TRAPPC9: variants seen among roughly 807,000 people sequenced by gnomAD.
TRAPPC9 encodes the protein IKK2 binding protein.
A neutral mutation model predicts 124.0 loss-of-function variants in TRAPPC9; 83 were observed. That is an observed-to-expected ratio of 0.67 (90% confidence interval 0.56 to 0.80). The LOEUF (loss-of-function observed/expected upper bound fraction) is 0.80, where lower values mean the gene tolerates loss of function less well. TRAPPC9 is among the 30% of genes least tolerant of loss of function. The pLI is 0.00. For missense variants in TRAPPC9, 1,302 were observed against 1,508.3 expected (o/e 0.86, Z 2.27); for synonymous variants, 638 against 617.5 (o/e 1.03, Z -0.49).
intron 17 of TRAPPC9, among the ~76,000 whole-genome samples, chr8:140,167,379 C>T (rs997187169): frequency 6.6e-6 from 1 of 152,092 alleles, no homozygotes; most frequent in Admixed American, 6.5e-5. Flanking sequence ...GGAAAAAACA[C>T]CTCTGCACAC....
chr8:139,890,638 G>A (rs1457975309), intron 20 of TRAPPC9, among the ~76,000 whole-genome samples: 1 of 152,130 alleles, frequency 6.6e-6, no homozygotes, highest in African/African-American at 2.4e-5. Context: ...GAAGGCGAAG[G>A]CTTGTCTCCC....
At chr8:139,739,538 C>A (rs1818421306) in intron 21 of TRAPPC9, among the ~76,000 whole-genome samples, 1 of 152,256 alleles carries the variant, frequency 6.6e-6, no homozygotes, top group Non-Finnish European at 1.5e-5. Flanking sequence ...CCCTGGCCAT[C>A]CTGTCCCTCC....
chr8:139,880,453 A>G (rs1829610263), intron 21 of TRAPPC9, among the ~76,000 whole-genome samples: 1 of 152,144 alleles, frequency 6.6e-6, no homozygotes, highest in East Asian at 1.9e-4. Context: ...TATGACTTGC[A>G]AAGTCTCAAG....
chr8:140,141,226 T>C (rs2061377783), intron 17 of TRAPPC9, among the ~76,000 whole-genome samples: 1 of 152,206 alleles, frequency 6.6e-6, no homozygotes, highest in Non-Finnish European at 1.5e-5. Context: ...TTCAAAAATA[T>C]TAAGTGGAGA....
intron 21 of TRAPPC9, among the ~76,000 whole-genome samples, chr8:139,815,336 A>G (rs1031653554): frequency 2.6e-5 from 4 of 151,980 alleles, no homozygotes; most frequent in African/African-American, 9.7e-5. Context: ...CACAAAGCTG[A>G]TCTGAAATTC....
intron 14 of TRAPPC9, among the ~76,000 whole-genome samples, chr8:140,280,607 T>C (rs1290755955): frequency 6.6e-6 from 1 of 151,952 alleles, no homozygotes; most frequent in African/African-American, 2.4e-5. Flanking sequence ...TTTTGTATTT[T>C]TTTTTTAGTA....
At chr8:140,012,393 GA>G (rs1839197566) in intron 18 of TRAPPC9, among the ~76,000 whole-genome samples, 1 of 152,190 alleles carries the variant, frequency 6.6e-6, no homozygotes, top group Non-Finnish European at 1.5e-5. Context: ...GGGAGACACA[GA>G]AAAGACACTG....
At chr8:140,231,960 G>C (rs1308068795) in intron 16 of TRAPPC9, among the ~76,000 whole-genome samples, 4 of 152,096 alleles carry the variant, frequency 2.6e-5, no homozygotes, top group African/African-American at 9.7e-5. Context: ...AGTTAGTAGA[G>C]ACAGGGTTTT....
At chr8:139,826,078 C>T (rs927705173) in intron 21 of TRAPPC9, among the ~76,000 whole-genome samples, 10 of 152,142 alleles carry the variant, frequency 6.6e-5, no homozygotes, top group African/African-American at 2.4e-4. Flanking sequence ...CTGGCCAGGT[C>T]TGAAGTAGGG....
intron 20 of TRAPPC9, chr8:139,905,032 G>A (rs557302365): frequency 3.7e-4 from 56 of 152,368 alleles, no homozygotes; most frequent in African/African-American, 1.2e-3. Flanking sequence ...AAATTGTCCA[G>A]TATTGGTAGC....
intron 15 of TRAPPC9, among the ~76,000 whole-genome samples, chr8:140,266,400 T>C (rs1588045434): frequency 6.7e-6 from 1 of 150,054 alleles, no homozygotes; most frequent in South Asian, 2.1e-4. Flanking sequence ...GAGGTGGAGG[T>C]TGCAGTGAGC....
intron 19 of TRAPPC9, among the ~76,000 whole-genome samples, chr8:139,981,142 C>T (rs980434931): frequency 3.3e-5 from 5 of 152,172 alleles, no homozygotes; most frequent in East Asian, 3.9e-4. Context: ...ACTGGGAGGT[C>T]CCTATTGATC....
chr8:140,122,023 TTCTCTCTCTC>T (rs533446141), intron 17 of TRAPPC9, among the ~76,000 whole-genome samples: 59 of 138,536 alleles, frequency 4.3e-4, no homozygotes, highest in East Asian at 3.4e-3. Flanking sequence ...CTTTCTTTCT[TTCTCTCTCTC>T]TCTCTCTCTC....
intron 17 of TRAPPC9, among the ~76,000 whole-genome samples, chr8:140,164,988 G>A (rs1465539679): frequency 6.6e-6 from 1 of 152,166 alleles, no homozygotes; most frequent in East Asian, 1.9e-4. Context: ...CTCGTAATAA[G>A]GTAATGCCTT....
chr8:140,272,126 G>GTGA (rs1554657964), intron 15 of TRAPPC9, among the ~76,000 whole-genome samples: 81 of 146,788 alleles, frequency 5.5e-4, no homozygotes, highest in African/African-American at 1.2e-3. Context: ...AATGGTGATG[G>GTGA]TGGCGATGGT....
At chr8:139,863,200 G>C (rs952398329) in intron 21 of TRAPPC9, among the ~76,000 whole-genome samples, 1 of 152,244 alleles carries the variant, frequency 6.6e-6, no homozygotes, top group South Asian at 2.1e-4. Flanking sequence ...CTCTCGCTCA[G>C]GTGGGTCCTA....
chr8:139,926,460 A>G (rs959520174), intron 19 of TRAPPC9, among the ~76,000 whole-genome samples: 1 of 152,262 alleles, frequency 6.6e-6, no homozygotes, highest in African/African-American at 2.4e-5. Context: ...GACAGTCTTT[A>G]AAGCAGCCGC....
intron 21 of TRAPPC9, among the ~76,000 whole-genome samples, chr8:139,858,337 G>A (rs1244563199): frequency 6.6e-6 from 1 of 152,234 alleles, no homozygotes; most frequent in African/African-American, 2.4e-5. Context: ...GGAGGGTTGT[G>A]CATCTTTGCG....
At chr8:140,290,890 A>C in intron 12 of TRAPPC9, 103 bp downstream of exon 12, 1 of 910,730 alleles carries the variant, frequency 1.1e-6, no homozygotes, top group Non-Finnish European at 1.8e-6. Context: ...ACATAAAAAC[A>C]GACACATATC....
Sources: gnomAD v4.1 joint callset for allele counts (sites outside exome capture counted in the v4.1 genomes callset) on GRCh38, gnomAD v4.1.1 for gene constraint, MANE v1.5 for transcripts, NCBI Gene and HGNC (gene_info 2026-07-23, HGNC 2026-07-21) for gene names.